Variants in CREBBP observed in about 807,000 individuals in gnomAD.
CREBBP encodes CREB-binding protein.
A neutral mutation model predicts 265.0 loss-of-function variants in CREBBP; 19 were observed. The observed-to-expected ratio is 0.07, with a 90% CI of 0.05 to 0.11. The LOEUF is 0.11. CREBBP is among the 10% of genes least tolerant of loss of function. The probability of loss-of-function intolerance (pLI) is 1.00; values close to 1 mark genes in which losing one functional copy is unlikely to be tolerated. For missense variants in CREBBP, 2,525 were observed against 3,219.0 expected (o/e 0.78, Z 5.22); for synonymous variants, 1,457 against 1,223.7 (o/e 1.19, Z -3.98).
At chr16:3,864,293 G>A (rs1057210579) in intron 1 of CREBBP, among the ~76,000 whole-genome samples, 20 of 152,296 alleles carry the variant, frequency 1.3e-4, no homozygotes, top group Admixed American at 3.3e-4. Context: ...TGTACAACGC[G>A]TGGAGGCGTG....
chr16:3,738,769 A>G (rs1206143348), intron 25 of CREBBP, 97 bp from the exon 26 acceptor site: 2 of 816,222 alleles, frequency 2.5e-6, no homozygotes, highest in African/African-American at 1.7e-5. Flanking sequence ...CTTTTTAGAC[A>G]GGGTCTTGCT....
intron 2 of CREBBP, among the ~76,000 whole-genome samples, chr16:3,839,784 G>A (rs779383001): frequency 7.6e-5 from 11 of 144,800 alleles, no homozygotes; most frequent in African/African-American, 2.8e-4. Flanking sequence ...AGGGAAGGAA[G>A]GAAGGAAAAG....
rs1271533174 is a variant in CREBBP at position 3,880,474 on chromosome 16, A to AC, written c.-559dup. The AC allele has an allele frequency of 8.4e-6, 1 of 118,998 alleles. No homozygotes were observed. Among genetic ancestry groups the AC allele is most frequent in the Non-Finnish European group, 1.8e-5 (1 of 56,366 alleles). 7.4% of individuals were successfully genotyped at this position (118,998 alleles called of 1,614,324 possible). A position where few individuals can be genotyped will look rare whatever the true frequency, so the allele number is the denominator to read the frequency against. On this transcript the variant is annotated 5_prime_UTR_variant, in exon 1 of 31. Transcript: ENST00000262367. ...TCGCCGCCGCCGCCGCGGCCCCCCC[A>AC]CCCCCCGTTCCGCCGCCGCCGCCGC...
chr16:3,797,059 T>C (rs1177233431), intron 3 of CREBBP, among the ~76,000 whole-genome samples: 1 of 152,184 alleles, frequency 6.6e-6, no homozygotes, highest in Non-Finnish European at 1.5e-5. Flanking sequence ...GAACTGCAGG[T>C]GGCCCCCAAA....
At chr16:3,828,040 C>T (rs1336789783) in intron 2 of CREBBP, among the ~76,000 whole-genome samples, 1 of 152,080 alleles carries the variant, frequency 6.6e-6, no homozygotes, top group African/African-American at 2.4e-5. Context: ...ATGCTGGCCT[C>T]TTGCACATAG....
intron 23 of CREBBP, chr16:3,741,461 C>G (rs2052204969): frequency 6.6e-6 from 1 of 152,192 alleles, no homozygotes; most frequent in African/African-American, 2.4e-5. Flanking sequence ...AATAAACAAA[C>G]CAGTGGTGCT....
At chr16:3,759,529 G>A (rs1419781242) in intron 16 of CREBBP, among the ~76,000 whole-genome samples, 1 of 149,130 alleles carries the variant, frequency 6.7e-6, no homozygotes, top group Non-Finnish European at 1.5e-5. Context: ...GGAGGTTGCA[G>A]TGAGCCGAGA....
chr16:3,750,953 T>C (rs2052458555), intron 20 of CREBBP, among the ~76,000 whole-genome samples: 1 of 152,168 alleles, frequency 6.6e-6, no homozygotes, highest in African/African-American at 2.4e-5. Flanking sequence ...AAAATTTACA[T>C]GGTCGGGCAT....
At chr16:3,791,915 C>G in intron 5 of CREBBP, 66 bp downstream of exon 5, 1 of 1,387,126 alleles carries the variant, frequency 7.2e-7, no homozygotes, top group Admixed American at 1.7e-5. Context: ...TACCTACTCT[C>G]TGAATTTTCT....
At chr16:3,854,677 GC>G (rs1368778679) in intron 1 of CREBBP, among the ~76,000 whole-genome samples, 1 of 152,156 alleles carries the variant, frequency 6.6e-6, no homozygotes, top group Non-Finnish European at 1.5e-5. Context: ...GCTGGCACAG[GC>G]ATTGGGAATC....
chr16:3,793,759 T>C (rs2053552619), intron 3 of CREBBP, 133 bp from the exon 4 acceptor site: 1 of 1,077,566 alleles, frequency 9.3e-7, no homozygotes, highest in East Asian at 2.6e-5. Flanking sequence ...TGTAGTTCTC[T>C]AACCCACTGA....
At position 3,819,867 on chromosome 16, in the gene CREBBP, G is replaced by A. The variant is rs188035306; in HGVS notation, c.799-9088C>T. On this transcript the variant is annotated intron_variant, in intron 2 of 30. Transcript: ENST00000262367. ...ACTGAACATGAAAGAACACTCCCACGAAAAAAGAAATGGATGCAACTACCA... is the reference window on the plus strand; with the variant it reads ...ACTGAACATGAAAGAACACTCCCACAAAAAAAGAAATGGATGCAACTACCA... Among the ~76,000 whole-genome samples the A allele has an allele frequency of 2.6e-3, 398 of 152,126 alleles. 2 individuals carry two copies. Among genetic ancestry groups the A allele is most frequent in the African/African-American group, 9.1e-3 (376 of 41,518 alleles).
At position 3,727,412 on chromosome 16, in the gene CREBBP, C is replaced by CT. The variant is rs2051772314; in HGVS notation, c.*305_*306insA. On this transcript the variant is annotated 3_prime_UTR_variant, in exon 31 of 31. Transcript: ENST00000262367. ...TTTCCCGTTAAAAAAAGGCATGAGT[C>CT]ACCAGCAATGACGACAAAAAGAATC... 1 of 331,686 alleles carries CT rather than the reference C, an allele frequency of 3.0e-6. No homozygotes were observed. The highest frequency in any genetic ancestry group is 4.5e-5 in the South Asian group (1 of 21,984). 20.5% of individuals were successfully genotyped at this position (331,686 alleles called of 1,614,324 possible). A position where few individuals can be genotyped will look rare whatever the true frequency, so the allele number is the denominator to read the frequency against.
At chr16:3,828,872 T>C (rs2054289433) in intron 2 of CREBBP, among the ~76,000 whole-genome samples, 1 of 152,182 alleles carries the variant, frequency 6.6e-6, no homozygotes, top group African/African-American at 2.4e-5. Context: ...TTATTAAAAA[T>C]GAGAAAAAGC....
intron 1 of CREBBP, among the ~76,000 whole-genome samples, chr16:3,877,723 T>C (rs993867669): frequency 2.6e-5 from 4 of 152,240 alleles, no homozygotes; most frequent in Non-Finnish European, 4.4e-5. Flanking sequence ...TTTAATGTGC[T>C]TGATAATGAG....
intron 28 of CREBBP, among the ~76,000 whole-genome samples, chr16:3,732,619 G>C (rs1008170465): frequency 3.3e-5 from 5 of 152,122 alleles, no homozygotes; most frequent in East Asian, 1.9e-4. Flanking sequence ...GGAGTGCAGT[G>C]GTGTCATCTT....
At chr16:3,830,952 A>AT (rs1413850273) in intron 2 of CREBBP, among the ~76,000 whole-genome samples, 1 of 152,018 alleles carries the variant, frequency 6.6e-6, no homozygotes, top group East Asian at 1.9e-4. Context: ...CTGGCTATTA[A>AT]TTTTTTTTGT....
intron 1 of CREBBP, among the ~76,000 whole-genome samples, chr16:3,867,701 T>G (rs2055204825): frequency 6.7e-6 from 1 of 149,998 alleles, no homozygotes; most frequent in Non-Finnish European, 1.5e-5. Flanking sequence ...AAGGACTGCT[T>G]GAGCCCAGGA....
chr16:3,736,280 C>T, intron 27 of CREBBP, 77 bp from the exon 28 acceptor site: 1 of 1,454,324 alleles, frequency 6.9e-7, no homozygotes, highest in Non-Finnish European at 9.6e-7. Flanking sequence ...GACCCCCACG[C>T]AAGCGTGCCC....
Sources: gnomAD v4.1 joint callset for allele counts (sites outside exome capture counted in the v4.1 genomes callset) on GRCh38, gnomAD v4.1.1 for gene constraint, MANE v1.5 for transcripts, NCBI Gene and HGNC (gene_info 2026-07-23, HGNC 2026-07-21) for gene names.